The following MOCOS variants were observed in gnomAD, a reference collection of about 807,000 sequenced individuals.
MOCOS encodes molybdenum cofactor sulfurase.
In MOCOS, 86 loss-of-function variants were observed where a neutral mutation model predicts 83.6. That is an observed-to-expected ratio of 1.03 (90% CI 0.86 to 1.23). The LOEUF is 1.23. Among genes scored for constraint, MOCOS ranks in the 50% most tolerant of loss-of-function variants. The probability of loss-of-function intolerance (pLI) is 0.00; values close to 1 mark genes in which losing one functional copy is unlikely to be tolerated. For synonymous variants in MOCOS, 445 were observed against 434.7 expected, an observed-to-expected ratio of 1.02 and a Z score of -0.29; for missense variants, 1,120 against 1,126.9, an observed-to-expected ratio of 0.99 and a Z score of 0.09.
intron 2 of MOCOS, among the ~76,000 whole-genome samples, chr18:36,196,973 T>C (rs527894498): frequency 5.3e-5 from 8 of 152,166 alleles, no homozygotes; most frequent in Non-Finnish European, 1.2e-4. Context: ...CCTGGTCTTA[T>C]AGGTCAGGCC....
At chr18:36,214,256 A>AG (rs1386994330) in intron 7 of MOCOS, among the ~76,000 whole-genome samples, 2 of 39,538 alleles carry the variant, frequency 5.1e-5, no homozygotes, top group Non-Finnish European at 1.5e-4. Flanking sequence ...AAAAAAAAAA[A>AG]AAAAAAGAAA....
At chr18:36,229,717 G>A (rs1482164394) in intron 9 of MOCOS, among the ~76,000 whole-genome samples, 2 of 151,516 alleles carry the variant, frequency 1.3e-5, no homozygotes, top group African/African-American at 4.9e-5. Context: ...TTGCTCCTCT[G>A]ACTGAATTAT....
At chr18:36,240,300 C>G (rs1219270478) in intron 9 of MOCOS, among the ~76,000 whole-genome samples, 10 of 122,756 alleles carry the variant, frequency 8.1e-5, no homozygotes, top group African/African-American at 3.3e-4. Context: ...TGGTGATGTA[C>G]AGATGGGTTT....
At chr18:36,254,378 G>A (rs1039862279) in intron 11 of MOCOS, among the ~76,000 whole-genome samples, 70 of 151,704 alleles carry the variant, frequency 4.6e-4, no homozygotes, top group African/African-American at 1.7e-3. Flanking sequence ...AACAAAGCCA[G>A]TAGAATCTCA....
Position 36,260,286 on chromosome 18 carries a change from T to C in MOCOS, c.2409+111T>C, listed in dbSNP as rs1317285340. 2.0e-5 allele frequency: 28 copies of C among 1,406,746 alleles called. No homozygotes were observed. In the East Asian group the frequency reaches 6.2e-4, roughly 31 times the overall value. The allele number at this position is 1,406,746 out of a possible 1,614,324, so 87.1% of individuals were successfully genotyped here. On this transcript the variant is annotated intron_variant, in intron 13 of 14. Transcript: ENST00000261326. ...GGACTCCCTCCCAGTCCTTGTCTCT[T>C]AACTACAAAATCTTGGTGGGAGGTT... is the stretch of plus-strand genomic sequence containing the variant.
Position 36,205,089 on chromosome 18 carries a change from A to C in MOCOS, c.1031A>C (p.Asn344Thr), listed in dbSNP as rs1397228090. The C allele has an allele frequency of 2.5e-6, 4 of 1,610,896 alleles. No homozygotes were observed. Among genetic ancestry groups the C allele is most frequent in the South Asian group, 1.1e-5 (1 of 90,998 alleles). Residue 344 changes from asparagine (N) to threonine (T), a missense_variant, in exon 6 of 15, where the codon AAT becomes ACT. Coordinates refer to ENST00000261326, the MANE Select transcript of MOCOS (RefSeq NM_017947.4). ...TLERLTGGME[N>T]IKQHTFTLAQ... ...TGATTGATTTGAGGTGGAATGGAGAATATAAAGCAGCACACCTTCACCTTG... is the reference window on the plus strand; with the variant it reads ...TGATTGATTTGAGGTGGAATGGAGACTATAAAGCAGCACACCTTCACCTTG...
At chr18:36,200,697 G>T (rs2091410465) in intron 4 of MOCOS, among the ~76,000 whole-genome samples, 2 of 152,108 alleles carry the variant, frequency 1.3e-5, no homozygotes, top group Middle Eastern at 3.2e-3. Flanking sequence ...TTAAAAGGTG[G>T]CACCCAGTGG....
chr18:36,225,372 G>A (rs183733021), intron 9 of MOCOS, among the ~76,000 whole-genome samples: 5 of 152,184 alleles, frequency 3.3e-5, no homozygotes, highest in East Asian at 1.9e-4. Context: ...GGATGGTCTC[G>A]ATCTCTTGAC....
intron 6 of MOCOS, among the ~76,000 whole-genome samples, chr18:36,206,731 A>G (rs1380099830): frequency 3.3e-5 from 5 of 152,160 alleles, no homozygotes; most frequent in African/African-American, 9.7e-5. Flanking sequence ...AAGTGGGAAC[A>G]TGCAGTATTT....
At chr18:36,245,591 G>A (rs1369618569) in intron 9 of MOCOS, among the ~76,000 whole-genome samples, 1 of 152,122 alleles carries the variant, frequency 6.6e-6, no homozygotes, top group Non-Finnish European at 1.5e-5. Context: ...CTAACCTGAT[G>A]ACTATGTGCC....
At chr18:36,220,282 A>G (rs2091491245) in intron 9 of MOCOS, 65 bp downstream of exon 9, 2 of 1,583,448 alleles carry the variant, frequency 1.3e-6, no homozygotes, top group African/African-American at 2.7e-5. Flanking sequence ...CATATGAAAT[A>G]CTCTACCAAG....
At chr18:36,244,138 T>G (rs554699364) in intron 9 of MOCOS, among the ~76,000 whole-genome samples, 2 of 152,208 alleles carry the variant, frequency 1.3e-5, no homozygotes, top group African/African-American at 4.8e-5. Flanking sequence ...CTCTGATCTT[T>G]GTTATTTCTT....
chr18:36,203,182 C>T lies in MOCOS; in HGVS notation c.1011C>T (p.Arg337=). The T allele has an allele frequency of 6.2e-7, 1 of 1,613,906 alleles. No homozygotes were observed. The highest frequency in any genetic ancestry group is 1.7e-5 in the Admixed American group (1 of 60,016). Residue 337 remains arginine (R), a synonymous_variant, in exon 5 of 15, where the codon CGC becomes CGT. Transcript: ENST00000261326. ...ALKHGFDTLE[R]LTGGMENIKQ... ...AACATGGATTTGACACCCTAGAGCG[C>T]CTCACAGGTCAGTGGACATTTCTAT...
intron 12 of MOCOS, 75 bp from the exon 13 acceptor site, chr18:36,259,962 G>A (rs187864844): frequency 1.3e-5 from 21 of 1,580,064 alleles, no homozygotes; most frequent in Admixed American, 6.7e-5. Context: ...TACATGGCAG[G>A]CATGATGAAT....
chr18:36,191,623 A>G (rs540771346), intron 1 of MOCOS, among the ~76,000 whole-genome samples: 4 of 152,272 alleles, frequency 2.6e-5, no homozygotes, highest in Non-Finnish European at 5.9e-5. Flanking sequence ...ATTTCTATAG[A>G]GATGGGGTCT....
intron 4 of MOCOS, 126 bp downstream of exon 4, chr18:36,200,450 G>C: frequency 8.1e-7 from 1 of 1,236,372 alleles, no homozygotes; most frequent in Non-Finnish European, 1.1e-6. Flanking sequence ...TTGCTGGCAG[G>C]GACAGGCTGA....
intron 12 of MOCOS, 57 bp downstream of exon 12, chr18:36,257,130 A>G: frequency 6.9e-7 from 1 of 1,440,588 alleles, no homozygotes; most frequent in Admixed American, 1.7e-5. Flanking sequence ...CACTGGGAGC[A>G]GGGCCTGGCA....
Position 36,256,961 on chromosome 18 carries a change from T to C in MOCOS, c.2165-7T>C. 6.2e-7 allele frequency: 1 copy of C among 1,609,614 alleles called. No homozygotes were observed. Among genetic ancestry groups the C allele is most frequent in the African/African-American group, 1.3e-5 (1 of 74,912 alleles). The stretch of plus-strand genomic sequence containing the variant: ...AACTCTTCTTTTAAATGCTCCATCA[T>C]TTTCAGATCAACTTCCTGGTACAAT... On this transcript the variant is annotated splice_polypyrimidine_tract_variant and splice_region_variant and intron_variant, in intron 11 of 14. Coordinates refer to ENST00000261326, the MANE Select transcript of MOCOS (RefSeq NM_017947.4).
chr18:36,192,421 T>C (rs1443991128), intron 1 of MOCOS, among the ~76,000 whole-genome samples: 1 of 151,984 alleles, frequency 6.6e-6, no homozygotes, highest in African/African-American at 2.4e-5. Context: ...ACACTGAAAA[T>C]TGTAAAACAT....
Sources: allele counts gnomAD v4.1 joint callset (sites outside exome capture counted in the v4.1 genomes callset), GRCh38; gene constraint gnomAD v4.1.1; transcripts MANE v1.5; gene names NCBI Gene and HGNC (gene_info 2026-07-23, HGNC 2026-07-21).